The following FGF13 variants were observed in gnomAD, a reference collection of about 807,000 sequenced individuals.
FGF13 encodes fibroblast growth factor homologous factor 2.
Under a neutral mutation model 19.5 loss-of-function variants are expected in FGF13, and 2 were observed. The ratio of observed to expected loss-of-function variants is 0.10; its 90% CI spans 0.04 to 0.32. The LOEUF (loss-of-function observed/expected upper bound fraction) is 0.32. Ranked by LOEUF, FGF13 falls within the 10% of genes least tolerant of loss-of-function variation. The pLI is 1.00. For synonymous variants in FGF13, 72 were observed against 76.9 expected (o/e 0.94, Z 0.33); for missense variants, 113 against 192.7 (o/e 0.59, Z 2.45).
intron 1 of FGF13, among the ~76,000 whole-genome samples, chrX:138,888,281 A>G (rs2091460657): frequency 8.9e-6 from 1 of 112,143 alleles, no homozygotes; most frequent in Admixed American, 9.5e-5. Context: ...TGCACTATAA[A>G]ATATTCTCAG....
chrX:138,845,105 C>G (rs1326501578), intron 3 of FGF13, among the ~76,000 whole-genome samples: 1 of 111,364 alleles, frequency 9.0e-6, no homozygotes, highest in East Asian at 2.8e-4. Context: ...ATCAGCAGAA[C>G]CACAGAGCCA....
intron 1 of FGF13, among the ~76,000 whole-genome samples, chrX:139,032,655 A>C (rs2092231919): frequency 9.0e-6 from 1 of 111,000 alleles, no homozygotes; most frequent in Admixed American, 9.6e-5. Flanking sequence ...AGGAAGAAGG[A>C]AGGCATCAAC....
intron 3 of FGF13, among the ~76,000 whole-genome samples, chrX:138,688,016 C>A (rs1460139809): frequency 9.4e-6 from 1 of 106,562 alleles, no homozygotes; most frequent in Non-Finnish European, 1.9e-5. Context: ...CAGTGAGTGG[C>A]ACGATGTCAG....
At chrX:138,966,908 T>A (rs1485877672) in intron 1 of FGF13, among the ~76,000 whole-genome samples, 1 of 111,567 alleles carries the variant, frequency 9.0e-6, no homozygotes, top group Non-Finnish European at 1.9e-5. Flanking sequence ...CAAGTTCTCA[T>A]GAGATCTGAC....
At chrX:138,846,745 C>T (rs987628047) in intron 3 of FGF13, among the ~76,000 whole-genome samples, 16 of 112,477 alleles carry the variant, frequency 1.4e-4, no homozygotes, top group Non-Finnish European at 2.8e-4. Flanking sequence ...TGGAAAGGCA[C>T]ATTCCCTAGC....
At chrX:138,869,868 G>T (rs1055499201) in intron 1 of FGF13, among the ~76,000 whole-genome samples, 1 of 111,787 alleles carries the variant, frequency 8.9e-6, no homozygotes, top group Non-Finnish European at 1.9e-5. Flanking sequence ...TTATTTTCAG[G>T]GGGGCTGTCC....
intron 1 of FGF13, among the ~76,000 whole-genome samples, chrX:138,953,527 G>C (rs748485765): frequency 6.3e-5 from 7 of 111,220 alleles, no homozygotes; most frequent in Non-Finnish European, 1.3e-4. Context: ...GTATACATAT[G>C]TAACAATCCT....
At chrX:138,999,361 C>T (rs1478079795) in intron 1 of FGF13, among the ~76,000 whole-genome samples, 4 of 111,290 alleles carry the variant, frequency 3.6e-5, no homozygotes, top group African/African-American at 1.3e-4. Context: ...GAGATAGAGA[C>T]ACGAAAAACC....
At chrX:138,996,416 C>T (rs2092043139) in intron 1 of FGF13, among the ~76,000 whole-genome samples, 1 of 113,142 alleles carries the variant, frequency 8.8e-6, no homozygotes, top group South Asian at 3.6e-4. Context: ...CCACGGAGCC[C>T]AGCAAGCCAA....
chrX:139,154,655 A>G (rs2083963061), intron 1 of FGF13, among the ~76,000 whole-genome samples: 1 of 111,896 alleles, frequency 8.9e-6, no homozygotes, highest in Non-Finnish European at 1.9e-5. Context: ...GAGACAAAAC[A>G]CGCAATCTGC....
intron 3 of FGF13, among the ~76,000 whole-genome samples, chrX:138,756,734 T>C (rs919314242): frequency 9.8e-5 from 11 of 111,850 alleles, no homozygotes; most frequent in African/African-American, 3.6e-4. Context: ...GTACATTACA[T>C]TGTCAGTCTG....
chrX:138,923,127 C>G (rs929536972), intron 1 of FGF13, among the ~76,000 whole-genome samples: 21 of 112,106 alleles, frequency 1.9e-4, no homozygotes, highest in African/African-American at 6.8e-4. Context: ...TATTCACATT[C>G]TATGAAACCA....
rs1268536252 is a variant in FGF13 at position 138,615,306 on chromosome X, T to A, written c.*17544A>T. On this transcript the variant is annotated 3_prime_UTR_variant, in exon 5 of 5. Transcript: ENST00000315930. ...CTGCAGTTATGTAAGTTGATACCAC[T>A]AGAGGAACTAGATAAAGGGCATATA... 8.9e-6 allele frequency: 1 copy of A among 112,244 alleles called. No homozygotes were observed. Among genetic ancestry groups the A allele is most frequent in the African/African-American group, 3.2e-5 (1 of 30,932 alleles). The allele number at this position is 112,244 out of a possible 1,213,427, so 9.3% of individuals were successfully genotyped here.
downstream of FGF13, among the ~76,000 whole-genome samples, chrX:138,853,437 T>C (rs754109943): frequency 9.0e-6 from 1 of 111,445 alleles, no homozygotes; most frequent in South Asian, 3.8e-4. Context: ...GTTACAAATA[T>C]ACCCCCTTAC....
intron 1 of FGF13, among the ~76,000 whole-genome samples, chrX:139,036,049 C>T (rs2092249435): frequency 8.9e-6 from 1 of 111,827 alleles, no homozygotes; most frequent in African/African-American, 3.2e-5. Flanking sequence ...TTAAAGATCA[C>T]AGAGAAAGTC....
intron 2 of FGF13, among the ~76,000 whole-genome samples, chrX:138,703,718 T>C (rs1046288904): frequency 8.9e-6 from 1 of 111,879 alleles, no homozygotes; most frequent in African/African-American, 3.3e-5. Context: ...TAGTATTTCC[T>C]TTTTTCATTT....
At chrX:139,055,798 T>C (rs2092319236) in intron 1 of FGF13, among the ~76,000 whole-genome samples, 2 of 112,688 alleles carry the variant, frequency 1.8e-5, no homozygotes, top group Non-Finnish European at 3.7e-5. Context: ...ATCTTCAAGA[T>C]GAATTTTATG....
At chrX:139,131,059 C>CT (rs754019839) in intron 1 of FGF13, among the ~76,000 whole-genome samples, 26 of 109,291 alleles carry the variant, frequency 2.4e-4, no homozygotes, top group Middle Eastern at 4.8e-3. Flanking sequence ...CTATAATTTT[C>CT]TTTTTTTTTG....
chrX:138,850,638 C>T (rs2091215155), intron 3 of FGF13, among the ~76,000 whole-genome samples: 1 of 111,642 alleles, frequency 9.0e-6, no homozygotes, highest in Admixed American at 9.5e-5. Flanking sequence ...GGCAGGGTGG[C>T]CCTAAGTCAT....
Sources: gnomAD v4.1 joint callset for allele counts (sites outside exome capture counted in the v4.1 genomes callset) on GRCh38, gnomAD v4.1.1 for gene constraint, MANE v1.5 for transcripts, NCBI Gene and HGNC (gene_info 2026-07-23, HGNC 2026-07-21) for gene names.